Variants in TRIM36 observed in about 807,000 individuals in gnomAD.
The protein encoded by TRIM36 is tripartite motif containing 36.
Under a neutral mutation model 72.4 loss-of-function variants are expected in TRIM36, and 42 were observed. The ratio of observed to expected loss-of-function variants is 0.58; its 90% CI spans 0.45 to 0.75. The LOEUF is 0.75. Ranked by LOEUF, TRIM36 falls within the 30% of genes least tolerant of loss-of-function variation. The pLI is 0.00. For missense variants in TRIM36, 913 were observed against 857.1 expected (o/e 1.07, Z -0.81); for synonymous variants, 315 against 282.8 (o/e 1.11, Z -1.14).
In TRIM36 at chr5:115,125,644, T is replaced by A. The variant is rs1410401502; in HGVS notation, c.*859A>T. The A allele has an allele frequency of 6.6e-6, 1 of 152,010 alleles. No homozygotes were observed. The highest frequency in any genetic ancestry group is 1.5e-5 in the Non-Finnish European group (1 of 67,914). The allele number at this position is 152,010 out of a possible 1,614,324, so 9.4% of individuals were successfully genotyped here. A position where few individuals can be genotyped will look rare whatever the true frequency, so the allele number is the denominator to read the frequency against. On this transcript the variant is annotated 3_prime_UTR_variant, in exon 10 of 10. Coordinates refer to ENST00000513154, the MANE Select transcript of TRIM36 (RefSeq NM_001300759.2). ...AGGGGGTAAAAGAATAAATATGACT[T>A]TTAATATCAGTCCATCTTTACCAAT...
intron 3 of TRIM36, among the ~76,000 whole-genome samples, chr5:115,146,307 AT>A (rs1261158115): frequency 6.6e-6 from 1 of 152,234 alleles, no homozygotes; most frequent in Admixed American, 6.5e-5. Flanking sequence ...TTTTTTCCCC[AT>A]TTTTTATTAC....
Position 115,137,545 on chromosome 5 carries a change from C to A in TRIM36, c.903G>T (p.Arg301Ser). 1 of 1,614,046 alleles carries A rather than the reference C, an allele frequency of 6.2e-7. No homozygotes were observed. The highest frequency in any genetic ancestry group is 8.5e-7 in the Non-Finnish European group (1 of 1,179,986). The change falls in exon 6 of 10, where the codon AGG becomes AGT. Residue 301 changes from arginine (R) to serine (S), a missense_variant. Arg to Ser is a moderately radical substitution (Grantham distance 110). Transcript: ENST00000513154. ...CAATTGCTTTCAAAACAGATGATTT[C>A]CTCTCTTCCAGAACTTCAAAGAGCT... ...FEKLFEVLEE[R>S]KSSVLKAIDS...
At chr5:115,162,959 C>CT (rs35177858) in intron 2 of TRIM36, among the ~76,000 whole-genome samples, 4,315 of 142,146 alleles carry the variant, frequency 0.03, 185 homozygotes, top group African/African-American at 0.1. Flanking sequence ...ACAAACATAG[C>CT]TTTTTTTTTT....
At position 115,137,539 on chromosome 5, in the gene TRIM36, T is replaced by A. The variant is rs766528939; in HGVS notation, c.909A>T (p.Ser303=). The change falls in exon 6 of 10, where the codon TCA becomes TCT. Residue 303 remains serine, a synonymous_variant. Coordinates refer to ENST00000513154, the MANE Select transcript of TRIM36 (RefSeq NM_001300759.2). ...AGGAGTCAATTGCTTTCAAAACAGA[T>A]GATTTCCTCTCTTCCAGAACTTCAA... ...KLFEVLEERK[S]SVLKAIDSSK... The A allele has an allele frequency of 6.2e-7, 1 of 1,614,106 alleles. No homozygotes were observed.
chr5:115,129,416 G>A (rs550522461), intron 9 of TRIM36, among the ~76,000 whole-genome samples: 2 of 152,068 alleles, frequency 1.3e-5, no homozygotes, highest in South Asian at 2.1e-4. Flanking sequence ...AAATTAGCCG[G>A]GTGTGGTGGT....
At chr5:115,169,562 G>C (rs1315390967) in intron 1 of TRIM36, 46 bp downstream of exon 1, 3 of 1,490,960 alleles carry the variant, frequency 2.0e-6, no homozygotes, top group Non-Finnish European at 1.8e-6. Context: ...AGCCGCGGTC[G>C]GCACACCGCC....
Position 115,147,084 on chromosome 5 carries a change from A to G in TRIM36, c.573T>C (p.Thr191=). The G allele has an allele frequency of 6.2e-7, 1 of 1,612,016 alleles. No individual in the cohort carries two copies. Among genetic ancestry groups the G allele is most frequent in the Non-Finnish European group, 8.5e-7 (1 of 1,178,320 alleles). The change falls in exon 3 of 10, where the codon ACT becomes ACC. Residue 191 remains threonine (T), a synonymous_variant. Transcript: ENST00000513154. The part of the protein sequence containing the change: ...KAQHEYVGPT[T]NFRPKILMCP... ...CTTCACTTACCTTGGGTCTGAAGTT[A>G]GTAGTTGGACCAACATACTCATGTT...
intron 2 of TRIM36, chr5:115,159,735 T>G (rs1754375763): frequency 2.3e-6 from 1 of 434,650 alleles, no homozygotes; most frequent in Non-Finnish European, 4.5e-6. Context: ...CACAACTTGT[T>G]AACAAAAGAG....
chr5:115,137,511 T>C lies in TRIM36; in HGVS notation c.937A>G (p.Lys313Glu). 1.9e-6 allele frequency: 3 copies of C among 1,614,156 alleles called. No homozygotes were observed. The highest frequency in any genetic ancestry group is 2.5e-6 in the Non-Finnish European group (3 of 1,180,012). The change falls in exon 6 of 10, where the codon AAG (lysine) becomes GAG (glutamate). Residue 313 changes from lysine (K) to glutamate (E), a missense_variant. Lys to Glu is a moderately conservative substitution (Grantham distance 56, BLOSUM62 1). Coordinates refer to ENST00000513154, the MANE Select transcript of TRIM36 (RefSeq NM_001300759.2). Reference protein sequence around the residue: ...SSVLKAIDSSKKLRLDKFQTQ... With the variant: ...SSVLKAIDSSEKLRLDKFQTQ... Reference sequence around the variant, plus strand: ...TGAAATTTGTCTAATCTTAGTTTCTTAGAGGAGTCAATTGCTTTCAAAACA... The same window carrying C: ...TGAAATTTGTCTAATCTTAGTTTCTCAGAGGAGTCAATTGCTTTCAAAACA...
Position 115,137,485 on chromosome 5 carries a change from C to T in TRIM36, c.963G>A (p.Gln321=), listed in dbSNP as rs925240475. The T allele has an allele frequency of 1.9e-6, 3 of 1,614,130 alleles. No individual in the cohort carries two copies. The highest frequency in any genetic ancestry group is 2.5e-6 in the Non-Finnish European group (3 of 1,180,024). ...GTCCCTGGTACTCTTCCATTTGAGTCTGAAATTTGTCTAATCTTAGTTTCT... is the reference window on the plus strand; with the variant it reads ...GTCCCTGGTACTCTTCCATTTGAGTTTGAAATTTGTCTAATCTTAGTTTCT... ...SSKKLRLDKF[Q]TQMEEYQGLL... is the part of the protein sequence containing the mutation. Residue 321 remains glutamine, a synonymous_variant, in exon 6 of 10, where the codon CAG becomes CAA. Transcript: ENST00000513154.
chr5:115,174,124 G>A (rs1342819972), upstream of TRIM36: 1 of 152,142 alleles, frequency 6.6e-6, no homozygotes, highest in Non-Finnish European at 1.5e-5. Context: ...AGCTGACTTG[G>A]TCTTTTTCCA....
At position 115,126,648 on chromosome 5, in the gene TRIM36, T is replaced by A; in HGVS notation, c.2006A>T (p.Asp669Val). ...DCDKGKVDFY[D>V]MDQMKCLYER... Reference sequence around the variant, plus strand: ...ATAAAGGCATTTCATCTGATCCATATCATAGAAATCTACTTTGCCTTTATC... The same window carrying A: ...ATAAAGGCATTTCATCTGATCCATAACATAGAAATCTACTTTGCCTTTATC... Residue 669 changes from aspartate to valine, a missense_variant, in exon 10 of 10, where the codon GAT becomes GTT. Asp to Val is a radical substitution (Grantham distance 152). Transcript: ENST00000513154. 1 of 1,614,190 alleles carries A rather than the reference T, an allele frequency of 6.2e-7. No individual in the cohort carries two copies. Among genetic ancestry groups the A allele is most frequent in the Non-Finnish European group, 8.5e-7 (1 of 1,180,016 alleles).
chr5:115,158,344 A>ATTTTC (rs1754295757), intron 2 of TRIM36, among the ~76,000 whole-genome samples: 1 of 152,202 alleles, frequency 6.6e-6, no homozygotes, highest in African/African-American at 2.4e-5. Context: ...GACTCTAAAA[A>ATTTTC]ATTTCAAATT....
rs1484377317 is a variant in TRIM36 at position 115,169,558 on chromosome 5, G to A, written c.27+50C>T. The A allele has an allele frequency of 5.4e-6, 8 of 1,487,728 alleles. No individual in the cohort carries two copies. In the African/African-American group the frequency reaches 5.7e-5, roughly 11 times the overall value. 92.2% of individuals were successfully genotyped at this position (1,487,728 alleles called of 1,614,324 possible). A position where few individuals can be genotyped will look rare whatever the true frequency, so the allele number is the denominator to read the frequency against. On this transcript the variant is annotated intron_variant, in intron 1 of 9. Coordinates refer to ENST00000513154, the MANE Select transcript of TRIM36 (RefSeq NM_001300759.2). ...CGGCGGAGGAAAGAGAAAGAGCCGCGGTCGGCACACCGCCCTCGAGGTGGG... is the reference window on the plus strand; with the variant it reads ...CGGCGGAGGAAAGAGAAAGAGCCGCAGTCGGCACACCGCCCTCGAGGTGGG...
intron 2 of TRIM36, chr5:115,148,823 A>C (rs1202727082): frequency 6.6e-6 from 1 of 152,204 alleles, no homozygotes; most frequent in East Asian, 1.9e-4. Flanking sequence ...TCCAATACCA[A>C]AAATGAATGG....
chr5:115,144,340 GTCCT>G (rs1281752871), intron 4 of TRIM36, among the ~76,000 whole-genome samples: 1 of 152,066 alleles, frequency 6.6e-6, no homozygotes, highest in Non-Finnish European at 1.5e-5. Flanking sequence ...ATGATGAAGT[GTCCT>G]TCATCCTTCT....
intron 2 of TRIM36, among the ~76,000 whole-genome samples, chr5:115,156,050 T>C (rs1754161307): frequency 6.6e-6 from 1 of 152,078 alleles, no homozygotes; most frequent in South Asian, 2.1e-4. Flanking sequence ...CAACCACTTT[T>C]ACAATAGCTG....
chr5:115,166,033 G>A (rs544456863), intron 1 of TRIM36, among the ~76,000 whole-genome samples: 1 of 152,176 alleles, frequency 6.6e-6, no homozygotes, highest in Non-Finnish European at 1.5e-5. Context: ...GGGCAGGGCT[G>A]AGGGTGACTC....
intron 2 of TRIM36, among the ~76,000 whole-genome samples, chr5:115,149,852 G>A (rs996596674): frequency 1.1e-4 from 17 of 151,898 alleles, no homozygotes; most frequent in South Asian, 2.1e-4. Flanking sequence ...TCCGCCTCCC[G>A]GGTTCACGCC....
Sources: allele counts gnomAD v4.1 joint callset (sites outside exome capture counted in the v4.1 genomes callset), GRCh38; gene constraint gnomAD v4.1.1; transcripts MANE v1.5; gene names NCBI Gene and HGNC (gene_info 2026-07-23, HGNC 2026-07-21).